HNRNPR: variants seen among roughly 807,000 people sequenced by gnomAD.
The protein encoded by HNRNPR is heterogeneous nuclear ribonucleoprotein R.
A neutral mutation model predicts 70.3 loss-of-function variants in HNRNPR; 4 were observed. The observed-to-expected ratio is 0.06, with a 90% CI of 0.03 to 0.13. The LOEUF (loss-of-function observed/expected upper bound fraction) is 0.13, where lower values mean the gene tolerates loss of function less well. Among genes scored for constraint, HNRNPR ranks in the 10% least tolerant of loss-of-function variants. HNRNPR has a pLI of 1.00. For missense variants in HNRNPR, 423 were observed against 788.5 expected (o/e 0.54, Z 5.55); for synonymous variants, 241 against 267.6 (o/e 0.90, Z 0.97).
At chr1:23,320,523 G>T (rs1471997406) in intron 7 of HNRNPR, among the ~76,000 whole-genome samples, 1 of 152,232 alleles carries the variant, frequency 6.6e-6, no homozygotes, top group South Asian at 2.1e-4. Flanking sequence ...GAGGAAGACA[G>T]TGAGCCAGAA....
chr1:23,316,304 C>A lies in HNRNPR; in HGVS notation c.1017+2179G>T, dbSNP rs1645544189. 1.3e-5 allele frequency among the ~76,000 whole-genome samples: 2 copies of A among 151,952 alleles called. 1 individual carries two copies. The highest frequency in any genetic ancestry group is 4.1e-4 in the South Asian group (2 of 4,826). ...GCACTCCAGCCTGGGCAACATGAGA[C>A]CCCATCTTTTAAAAAAAAGAAACAA... On this transcript the variant is annotated intron_variant, in intron 8 of 10. Transcript: ENST00000302271.
chr1:23,325,517 A>G (rs1645937080), intron 5 of HNRNPR, among the ~76,000 whole-genome samples: 1 of 152,150 alleles, frequency 6.6e-6, no homozygotes. Context: ...AAGGTCCCCA[A>G]TCCTCATTCA....
chr1:23,336,146 C>T (rs1228687968), intron 4 of HNRNPR, among the ~76,000 whole-genome samples: 1 of 145,998 alleles, frequency 6.8e-6, no homozygotes, highest in South Asian at 2.2e-4. Flanking sequence ...TATCACAGGC[C>T]GGATATGGTG....
At chr1:23,313,735 G>A in intron 8 of HNRNPR, 33 bp from the exon 9 acceptor site, 1 of 1,587,286 alleles carries the variant, frequency 6.3e-7, no homozygotes, top group South Asian at 1.2e-5. Flanking sequence ...AACCGTCATT[G>A]GCTACTTAAT....
At position 23,309,837 on chromosome 1, in the gene HNRNPR, T is replaced by C. The variant is rs1374819011; in HGVS notation, c.*617A>G. 6.6e-6 allele frequency: 1 copy of C among 152,622 alleles called. No individual in the cohort carries two copies. Among genetic ancestry groups the C allele is most frequent in the African/African-American group, 2.4e-5 (1 of 41,454 alleles). 9.5% of individuals were successfully genotyped at this position (152,622 alleles called of 1,614,324 possible). ...TTGAAATCTTACATGAACAAGAAAT[T>C]GGAAATACAATCACATCAAAGAACA... On this transcript the variant is annotated 3_prime_UTR_variant, in exon 11 of 11. Coordinates refer to ENST00000302271, the MANE Select transcript of HNRNPR (RefSeq NM_005826.5).
chr1:23,340,660 A>AG (rs1646675893), intron 2 of HNRNPR, among the ~76,000 whole-genome samples, 192 bp downstream of exon 2: 1 of 152,242 alleles, frequency 6.6e-6, no homozygotes, highest in Non-Finnish European at 1.5e-5. Flanking sequence ...TTCAACACTA[A>AG]GAAGGCTTCA....
At chr1:23,342,974 T>C (rs1016169891) in intron 1 of HNRNPR, among the ~76,000 whole-genome samples, 1 of 152,118 alleles carries the variant, frequency 6.6e-6, no homozygotes, top group African/African-American at 2.4e-5. Flanking sequence ...AACCGTAAAA[T>C]AATTAGATTC....
chr1:23,326,464 C>T lies in HNRNPR; in HGVS notation c.499-2732G>A, dbSNP rs560580594. 2.0e-5 allele frequency among the ~76,000 whole-genome samples: 3 copies of T among 152,300 alleles called. No homozygotes were observed. In the South Asian group the frequency reaches 6.2e-4, roughly 32 times the overall value. ...ACTCGAGCTGTATACCCAGATGTCA[C>T]TAATAAACTTCTAATAACCAAATTC... is the stretch of plus-strand genomic sequence containing the variant. On this transcript the variant is annotated intron_variant, in intron 5 of 10. Transcript: ENST00000302271.
rs1344106155 is a variant in HNRNPR at position 23,307,840 on chromosome 1, T to C, written c.*2614A>G. On this transcript the variant is annotated 3_prime_UTR_variant, in exon 11 of 11. Transcript: ENST00000302271. ...ATAAATAAAGCCAAATCAATTAGCT[T>C]GGGGAACAAAAAAGATGGAAAGACA... is the stretch of plus-strand genomic sequence containing the variant. 1 of 151,704 alleles carries C rather than the reference T, an allele frequency of 6.6e-6. No homozygotes were observed. 9.4% of individuals were successfully genotyped at this position (151,704 alleles called of 1,614,324 possible). A position where few individuals can be genotyped will look rare whatever the true frequency, so the allele number is the denominator to read the frequency against.
intron 9 of HNRNPR, chr1:23,311,650 G>A (rs1028347282): frequency 6.0e-4 from 115 of 190,642 alleles, no homozygotes; most frequent in Admixed American, 2.2e-4. Context: ...TACCAAAGAA[G>A]CAAATCCATA....
At position 23,305,729 on chromosome 1, in the gene HNRNPR, A is replaced by G. The variant is rs1645193531; in HGVS notation, c.*4725T>C. 1 of 152,162 alleles carries G rather than the reference A, an allele frequency of 6.6e-6. No individual in the cohort carries two copies. The highest frequency in any genetic ancestry group is 1.5e-5 in the Non-Finnish European group (1 of 68,012). 9.4% of individuals were successfully genotyped at this position (152,162 alleles called of 1,614,324 possible). ...TAAATATTGACTCTTAATTCTACCA[A>G]TATCTGCTAATCCTATCAGCTACCC... On this transcript the variant is annotated 3_prime_UTR_variant, in exon 11 of 11. Transcript: ENST00000302271.
chr1:23,335,100 G>A (rs1039074470), intron 4 of HNRNPR, among the ~76,000 whole-genome samples: 33 of 152,100 alleles, frequency 2.2e-4, no homozygotes, highest in Middle Eastern at 3.4e-3. Flanking sequence ...TGTATTTTTA[G>A]TAGACAGGTG....
intron 1 of HNRNPR, among the ~76,000 whole-genome samples, chr1:23,342,687 GATCATCAGAACTCAAAAGTTCTCAGT>G (rs1272297985): frequency 3.9e-5 from 6 of 152,074 alleles, no homozygotes; most frequent in African/African-American, 1.4e-4. Flanking sequence ...ACTACCTTAA[GATCATCAGAACTCAAAAGTTCTCAGT>G]ATCACAAGAC....
At chr1:23,336,243 C>A (rs1194973171) in intron 4 of HNRNPR, among the ~76,000 whole-genome samples, 2 of 150,402 alleles carry the variant, frequency 1.3e-5, no homozygotes, top group Non-Finnish European at 3.0e-5. Context: ...CTGGCTAACA[C>A]AGTGAAACCC....
chr1:23,326,209 T>C (rs917838922), intron 5 of HNRNPR, among the ~76,000 whole-genome samples: 7 of 151,984 alleles, frequency 4.6e-5, no homozygotes, highest in Non-Finnish European at 1.0e-4. Flanking sequence ...TTTTTTTTTT[T>C]ACTCACACAG....
chr1:23,324,410 T>C (rs1330301777), intron 5 of HNRNPR, among the ~76,000 whole-genome samples: 5 of 151,794 alleles, frequency 3.3e-5, no homozygotes, highest in Non-Finnish European at 1.5e-5. Context: ...CCACTAAAAA[T>C]ACAAAAAATT....
rs1377521227 is a variant in HNRNPR at position 23,307,408 on chromosome 1, G to A, written c.*3046C>T. 1 of 151,710 alleles carries A rather than the reference G, an allele frequency of 6.6e-6. No homozygotes were observed. The highest frequency in any genetic ancestry group is 1.9e-4 in the East Asian group (1 of 5,194). The allele number at this position is 151,710 out of a possible 1,614,324, so 9.4% of individuals were successfully genotyped here. A position where few individuals can be genotyped will look rare whatever the true frequency, so the allele number is the denominator to read the frequency against. ...TTTTTAAAAAGAATTCATCTCCTAA[G>A]TCAGATTTCAAAGTCAAAAGAGAGA... On this transcript the variant is annotated 3_prime_UTR_variant, in exon 11 of 11. Transcript: ENST00000302271.
At chr1:23,314,916 A>G (rs1260982151) in intron 8 of HNRNPR, among the ~76,000 whole-genome samples, 3 of 152,194 alleles carry the variant, frequency 2.0e-5, no homozygotes, top group Non-Finnish European at 4.4e-5. Context: ...GCAAAAGATT[A>G]GAAACAATAT....
chr1:23,331,559 G>A (rs962810638), intron 5 of HNRNPR, among the ~76,000 whole-genome samples: 22 of 151,972 alleles, frequency 1.4e-4, no homozygotes, highest in Admixed American at 8.5e-4. Context: ...GTGTGGCGGC[G>A]GATGCCTGTA....
Sources: gnomAD v4.1 joint callset for allele counts (sites outside exome capture counted in the v4.1 genomes callset) on GRCh38, gnomAD v4.1.1 for gene constraint, MANE v1.5 for transcripts, NCBI Gene and HGNC (gene_info 2026-07-23, HGNC 2026-07-21) for gene names.